The following IL1RAPL2 variants were observed in gnomAD, a reference collection of about 807,000 sequenced individuals.
The protein encoded by IL1RAPL2 is interleukin 1 receptor accessory protein like 2.
A neutral mutation model predicts 44.1 loss-of-function variants in IL1RAPL2; 3 were observed. That is an observed-to-expected ratio of 0.07 (90% confidence interval 0.03 to 0.18). The LOEUF (loss-of-function observed/expected upper bound fraction) is 0.18, where lower values mean the gene tolerates loss of function less well. IL1RAPL2 is among the 10% of genes least tolerant of loss of function. The pLI, the probability that IL1RAPL2 is intolerant of heterozygous loss-of-function variation, is 1.00. For synonymous variants in IL1RAPL2, 181 were observed against 178.8 expected (o/e 1.01, Z -0.10); for missense variants, 391 against 496.4 (o/e 0.79, Z 2.02).
chrX:105,487,876 G>A (rs2036282241), intron 6 of IL1RAPL2, among the ~76,000 whole-genome samples: 1 of 112,103 alleles, frequency 8.9e-6, no homozygotes, highest in Non-Finnish European at 1.9e-5. Flanking sequence ...GGATATCTCT[G>A]TCTATGTCTG....
Position 104,776,334 on chromosome X carries a change from G to A in IL1RAPL2, c.82+117339G>A, listed in dbSNP as rs149493894. Reference sequence around the variant, plus strand: ...CTTGAAGACATCCAATTGTACTTGCGCATCATGAAAGTCTCATTAGGGAAA... The same window carrying A: ...CTTGAAGACATCCAATTGTACTTGCACATCATGAAAGTCTCATTAGGGAAA... On this transcript the variant is annotated intron_variant, in intron 2 of 10. Coordinates refer to ENST00000372582, the MANE Select transcript of IL1RAPL2 (RefSeq NM_017416.2). Among the ~76,000 whole-genome samples the A allele has an allele frequency of 8.1e-5, 9 of 111,684 alleles. No individual in the cohort carries two copies. In the East Asian group the frequency reaches 1.4e-3, roughly 17 times the overall value.
chrX:105,417,892 TTTC>T (rs1390383955), intron 5 of IL1RAPL2, among the ~76,000 whole-genome samples: 1 of 111,876 alleles, frequency 8.9e-6, no homozygotes, highest in African/African-American at 3.2e-5. Flanking sequence ...TCTTTCATAA[TTTC>T]TTCTGCTGAG....
chrX:104,950,341 C>T (rs994945302), intron 2 of IL1RAPL2, among the ~76,000 whole-genome samples: 2 of 112,394 alleles, frequency 1.8e-5, no homozygotes, highest in Middle Eastern at 4.6e-3. Context: ...TCTCCAGCTG[C>T]GTGCTGGGAG....
At chrX:105,758,834 G>A (rs759606725) in intron 10 of IL1RAPL2, among the ~76,000 whole-genome samples, 2 of 112,411 alleles carry the variant, frequency 1.8e-5, no homozygotes, top group South Asian at 7.3e-4. Flanking sequence ...AGAAGTGACA[G>A]GCAACCAGAA....
chrX:104,938,952 T>G (rs193058653), intron 2 of IL1RAPL2, among the ~76,000 whole-genome samples: 20 of 111,951 alleles, frequency 1.8e-4, no homozygotes, highest in African/African-American at 6.2e-4. Context: ...CATTGAAATA[T>G]TTGTCTTGTA....
chrX:105,217,984 T>C (rs782317984), intron 3 of IL1RAPL2, among the ~76,000 whole-genome samples: 9 of 110,450 alleles, frequency 8.1e-5, no homozygotes, highest in Non-Finnish European at 1.3e-4. Flanking sequence ...TTACGACAAA[T>C]ATCTAACACA....
chrX:105,528,140 G>T, intron 6 of IL1RAPL2, among the ~76,000 whole-genome samples: 1 of 112,025 alleles, frequency 8.9e-6, no homozygotes, highest in Non-Finnish European at 1.9e-5. Context: ...ATTTGGTAGT[G>T]GCCATTGTAA....
chrX:105,670,909 T>C (rs1280246984), intron 6 of IL1RAPL2, among the ~76,000 whole-genome samples: 2 of 107,228 alleles, frequency 1.9e-5, no homozygotes, highest in Non-Finnish European at 3.8e-5. Flanking sequence ...ATTATATATA[T>C]ATACCATACA....
intron 2 of IL1RAPL2, among the ~76,000 whole-genome samples, chrX:104,691,722 C>T (rs140752281): frequency 0.011 from 1,250 of 111,743 alleles, 11 homozygotes; most frequent in Non-Finnish European, 0.018. Flanking sequence ...GTTTTGCCAG[C>T]GAGAGTTGAA....
intron 5 of IL1RAPL2, among the ~76,000 whole-genome samples, chrX:105,409,882 G>A (rs56246842): frequency 2.7e-4 from 1 of 3,639 alleles, no homozygotes; most frequent in African/African-American, 3.3e-4. Flanking sequence ...ATAGAGTGTG[G>A]GGGGGGGGTT....
intron 2 of IL1RAPL2, among the ~76,000 whole-genome samples, chrX:104,673,274 A>T (rs1278064439): frequency 9.0e-6 from 1 of 111,561 alleles, no homozygotes; most frequent in Non-Finnish European, 1.9e-5. Flanking sequence ...TGATTTTTGT[A>T]TAAGGTGTAA....
In IL1RAPL2 at chrX:104,570,003, T is replaced by G. The variant is rs757092160; in HGVS notation, c.-20+2952T>G. Among the ~76,000 whole-genome samples the G allele has an allele frequency of 2.7e-5, 3 of 112,361 alleles. No homozygotes were observed. In the South Asian group the frequency reaches 1.1e-3, roughly 42 times the overall value. ...ACAGCTGGGACTGTTGGAAGACAAA[T>G]GTACACACTGCCTTCTTCGTTTGAG... On this transcript the variant is annotated intron_variant, in intron 1 of 10. Coordinates refer to ENST00000372582, the MANE Select transcript of IL1RAPL2 (RefSeq NM_017416.2).
At chrX:105,393,834 CTT>C (rs1275208768) in intron 5 of IL1RAPL2, among the ~76,000 whole-genome samples, 1 of 111,753 alleles carries the variant, frequency 8.9e-6, no homozygotes, top group Non-Finnish European at 1.9e-5. Flanking sequence ...TGACATATCT[CTT>C]CTCATTTAAT....
At chrX:105,705,169 G>A (rs1211312131) in intron 6 of IL1RAPL2, among the ~76,000 whole-genome samples, 1 of 109,595 alleles carries the variant, frequency 9.1e-6, no homozygotes, top group Non-Finnish European at 1.9e-5. Context: ...ATGTCATTTG[G>A]GGTGGGGGGG....
chrX:105,250,703 A>G (rs889579943), intron 4 of IL1RAPL2, among the ~76,000 whole-genome samples: 1 of 111,339 alleles, frequency 9.0e-6, no homozygotes, highest in African/African-American at 3.2e-5. Flanking sequence ...ATTTGATAGA[A>G]TATAAATTAT....
chrX:105,080,132 T>A (rs1170382740), intron 2 of IL1RAPL2, among the ~76,000 whole-genome samples: 6 of 112,354 alleles, frequency 5.3e-5, no homozygotes, highest in Admixed American at 2.8e-4. Context: ...CTTTGTCAGA[T>A]GGACAGATTG....
chrX:105,219,155 C>T, intron 3 of IL1RAPL2: 1 of 1,211,251 alleles, frequency 8.3e-7, no homozygotes, highest in Non-Finnish European at 1.1e-6. Context: ...TGGGGCCCCC[C>T]ATCAGACCAC....
chrX:105,535,255 C>T (rs1371106871), intron 6 of IL1RAPL2, among the ~76,000 whole-genome samples: 1 of 111,341 alleles, frequency 9.0e-6, no homozygotes, highest in Non-Finnish European at 1.9e-5. Flanking sequence ...ATCGCGAGAC[C>T]CACGACTCAC....
In IL1RAPL2 at chrX:104,914,811, C is replaced by T. The variant is rs1026175334; in HGVS notation, c.82+255816C>T. On this transcript the variant is annotated intron_variant, in intron 2 of 10. Transcript: ENST00000372582. Reference sequence around the variant, plus strand: ...ATTCCCATCTATGAGTGAGAACATGCGGTGTTTGGTTTTTTGTCCTTGCCG... The same window carrying T: ...ATTCCCATCTATGAGTGAGAACATGTGGTGTTTGGTTTTTTGTCCTTGCCG... Among the ~76,000 whole-genome samples the T allele has an allele frequency of 3.1e-4, 34 of 110,100 alleles. 1 individual carries two copies. Among genetic ancestry groups the T allele is most frequent in the African/African-American group, 1.0e-4 (3 of 30,057 alleles).
Sources: allele counts gnomAD v4.1 joint callset (sites outside exome capture counted in the v4.1 genomes callset), GRCh38; gene constraint gnomAD v4.1.1; transcripts MANE v1.5; gene names NCBI Gene and HGNC (gene_info 2026-07-23, HGNC 2026-07-21).